ZFHX3: variants seen among roughly 807,000 people sequenced by gnomAD.
ZFHX3 encodes the protein zinc finger homeobox protein 3.
A neutral mutation model predicts 279.1 loss-of-function variants in ZFHX3; 42 were observed. That is an observed-to-expected ratio of 0.15 (90% CI 0.12 to 0.19). The LOEUF is 0.19. Ranked by LOEUF, ZFHX3 falls within the 10% of genes least tolerant of loss-of-function variation. The pLI is 1.00. For missense variants in ZFHX3, 4,981 were observed against 4,754.0 expected (o/e 1.05, Z -1.40); for synonymous variants, 2,293 against 1,957.8 (o/e 1.17, Z -4.52).
intron 2 of ZFHX3, among the ~76,000 whole-genome samples, chr16:73,584,980 G>C (rs551094993): frequency 4.6e-5 from 7 of 152,294 alleles, no homozygotes; most frequent in African/African-American, 1.7e-4. Context: ...CATGAAAAAA[G>C]CTCAACATCA....
intron 1 of ZFHX3, among the ~76,000 whole-genome samples, chr16:73,801,114 T>G (rs981470914): frequency 2.0e-5 from 3 of 152,216 alleles, no homozygotes; most frequent in Non-Finnish European, 4.4e-5. Context: ...CCAGGTGCCT[T>G]CTATTTGTAC....
chr16:73,359,447 A>G (rs766057973), intron 3 of ZFHX3, among the ~76,000 whole-genome samples: 4 of 152,182 alleles, frequency 2.6e-5, no homozygotes, highest in Non-Finnish European at 4.4e-5. Flanking sequence ...CTCAGTCTCA[A>G]TGCTGTAGGA....
At chr16:73,223,234 A>T (rs1316449290) in intron 5 of ZFHX3, among the ~76,000 whole-genome samples, 1 of 152,178 alleles carries the variant, frequency 6.6e-6, no homozygotes, top group Non-Finnish European at 1.5e-5. Flanking sequence ...TTTCATAAAA[A>T]TTAAAATTTT....
intron 1 of ZFHX3, among the ~76,000 whole-genome samples, chr16:72,960,604 C>T (rs553737768): frequency 6.6e-6 from 1 of 152,280 alleles, no homozygotes; most frequent in African/African-American, 2.4e-5. Flanking sequence ...GGACAGCTCA[C>T]ACGAAGTCAG....
chr16:73,650,821 A>C (rs2142165364), intron 2 of ZFHX3, among the ~76,000 whole-genome samples: 1 of 152,250 alleles, frequency 6.6e-6, no homozygotes, highest in Middle Eastern at 3.4e-3. Context: ...AGGTCTCAAA[A>C]CCCACAGATA....
intron 4 of ZFHX3, among the ~76,000 whole-genome samples, chr16:72,830,113 C>G (rs1206314139): frequency 6.6e-6 from 1 of 152,200 alleles, no homozygotes; most frequent in Non-Finnish European, 1.5e-5. Flanking sequence ...TTAGGTATTT[C>G]CAGATAGATT....
chr16:73,317,906 A>C (rs978592900), intron 4 of ZFHX3, among the ~76,000 whole-genome samples: 1 of 152,330 alleles, frequency 6.6e-6, no homozygotes, highest in Admixed American at 6.5e-5. Flanking sequence ...TCTTTCCCAG[A>C]GCATTTCTTG....
chr16:72,943,270 A>G (rs997538252), intron 3 of ZFHX3, among the ~76,000 whole-genome samples: 5 of 152,214 alleles, frequency 3.3e-5, no homozygotes, highest in Admixed American at 1.3e-4. Context: ...GTGGGGGCTC[A>G]CACCTGTAAT....
intron 4 of ZFHX3, among the ~76,000 whole-genome samples, chr16:73,284,821 TC>T (rs1006474077): frequency 2.0e-5 from 3 of 152,166 alleles, no homozygotes; most frequent in Admixed American, 1.3e-4. Context: ...AGGCATATAT[TC>T]TTTTTTTTCC....
At position 72,796,902 on chromosome 16, in the gene ZFHX3, G is replaced by A; in HGVS notation, c.5780C>T (p.Ser1927Phe). Residue 1927 changes from serine (S) to phenylalanine (F), a missense_variant, in exon 9 of 10, where the codon TCT (serine) becomes TTT (phenylalanine). Coordinates refer to ENST00000268489, the MANE Select transcript of ZFHX3 (RefSeq NM_006885.4). ...GCGTGGAGGGAGCATGGAAGGCTCA[G>A]AACCACCCCCTGGTGCCAACTCTTT... ...EKKELAPGGG[S>F]EPSMLPPRIA... 6.2e-7 allele frequency: 1 copy of A among 1,613,852 alleles called. No homozygotes were observed.
chr16:73,713,815 T>G (rs2142229603), intron 1 of ZFHX3, among the ~76,000 whole-genome samples: 1 of 152,282 alleles, frequency 6.6e-6, no homozygotes. Context: ...ACAAACTTAT[T>G]GATTTTATAG....
intron 2 of ZFHX3, among the ~76,000 whole-genome samples, chr16:73,629,716 G>A (rs981262589): frequency 7.2e-5 from 11 of 152,122 alleles, no homozygotes; most frequent in African/African-American, 2.7e-4. Context: ...ACCTGTGCTT[G>A]GGAGATGGAC....
At chr16:73,225,637 G>A (rs945627291) in intron 5 of ZFHX3, among the ~76,000 whole-genome samples, 11 of 152,252 alleles carry the variant, frequency 7.2e-5, no homozygotes, top group Admixed American at 2.6e-4. Flanking sequence ...TTGAATAAAT[G>A]TCTAGAGGGC....
chr16:73,420,219 C>G (rs956545824), intron 3 of ZFHX3: 2 of 152,142 alleles, frequency 1.3e-5, no homozygotes, highest in Non-Finnish European at 2.9e-5. Flanking sequence ...GGAAATGTTT[C>G]AAATACTTGA....
intron 5 of ZFHX3, among the ~76,000 whole-genome samples, chr16:73,196,692 G>A (rs1286264363): frequency 6.6e-6 from 1 of 152,114 alleles, no homozygotes; most frequent in Admixed American, 6.5e-5. Flanking sequence ...TGAATGACTG[G>A]TCTGTCCACT....
intron 2 of ZFHX3, among the ~76,000 whole-genome samples, chr16:73,468,476 C>T (rs1367153227): frequency 6.6e-6 from 1 of 152,184 alleles, no homozygotes; most frequent in East Asian, 1.9e-4. Context: ...TGGCTCACAC[C>T]TGTAGTCCCA....
chr16:73,651,806 G>T (rs1362173664), intron 2 of ZFHX3, among the ~76,000 whole-genome samples: 1 of 143,894 alleles, frequency 6.9e-6, no homozygotes, highest in Non-Finnish European at 1.5e-5. Flanking sequence ...AGTGAGCGCA[G>T]ATCACGCCAC....
In ZFHX3 at chr16:73,651,066, A is replaced by G. The variant is rs140522314; in HGVS notation, c.-1547+29114T>C. On this transcript the variant is annotated intron_variant, in intron 2 of 17. Transcript: ENST00000641206. The stretch of plus-strand genomic sequence containing the variant: ...AAAATATATGCAGGACACTATAAAA[A>G]TATGTTCTAACAGATTTGATAAAGT... Among the ~76,000 whole-genome samples, 154 of 152,290 alleles carry G rather than the reference A, an allele frequency of 1.0e-3. 2 individuals are homozygous for G. The East Asian group carries it at 0.023, about 23-fold the overall frequency.
chr16:72,799,159 C>G (rs1191425915), intron 8 of ZFHX3, among the ~76,000 whole-genome samples: 3 of 152,184 alleles, frequency 2.0e-5, no homozygotes, highest in Non-Finnish European at 2.9e-5. Context: ...TGAATTAATG[C>G]TGTCCTAAGT....
Sources: gnomAD v4.1 joint callset for allele counts (sites outside exome capture counted in the v4.1 genomes callset) on GRCh38, gnomAD v4.1.1 for gene constraint, MANE v1.5 for transcripts, NCBI Gene and HGNC (gene_info 2026-07-23, HGNC 2026-07-21) for gene names.